Variants in CCDC136 observed in about 807,000 individuals in gnomAD.
CCDC136 encodes the protein coiled-coil domain-containing protein 136.
Under a neutral mutation model 141.2 loss-of-function variants are expected in CCDC136, and 100 were observed. That is an observed-to-expected ratio of 0.71 (90% CI 0.60 to 0.84). The LOEUF (loss-of-function observed/expected upper bound fraction) is 0.84, where lower values mean the gene tolerates loss of function less well. Among genes scored for constraint, CCDC136 ranks in the 40% least tolerant of loss-of-function variants. CCDC136 has a pLI of 0.00. For missense variants in CCDC136, 1,206 were observed against 1,379.4 expected (o/e 0.87, Z 1.99); for synonymous variants, 474 against 531.9 (o/e 0.89, Z 1.50).
At chr7:128,816,948 A>G (rs980920393) in intron 16 of CCDC136, among the ~76,000 whole-genome samples, 1 of 152,158 alleles carries the variant, frequency 6.6e-6, no homozygotes, top group Non-Finnish European at 1.5e-5. Context: ...GGGGACCATT[A>G]CCTAAGATGT....
Position 128,806,791 on chromosome 7 carries a change from A to G in CCDC136, c.1352A>G (p.Gln451Arg), listed in dbSNP as rs749754390. ...ERQQQLQEEL[Q>R]CHEAELQHLR... Reference sequence around the variant, plus strand: ...CAGCAGCAGCTGCAGGAGGAGCTGCAGTGCCATGAGGCAGAGCTGCAGCAC... The same window carrying G: ...CAGCAGCAGCTGCAGGAGGAGCTGCGGTGCCATGAGGCAGAGCTGCAGCAC... Residue 451 changes from glutamine (Q) to arginine (R), a missense_variant, in exon 9 of 18, where the codon CAG (glutamine) becomes CGG (arginine). By Grantham distance (43) the Gln-to-Arg change is conservative (BLOSUM62 1). Coordinates refer to ENST00000297788, the MANE Select transcript of CCDC136 (RefSeq NM_022742.5). The G allele has an allele frequency of 6.2e-7, 1 of 1,612,480 alleles. No homozygotes were observed. The highest frequency in any genetic ancestry group is 2.2e-5 in the East Asian group (1 of 44,888).
In CCDC136 at chr7:128,806,397, T is replaced by G. The variant is rs1804842251; in HGVS notation, c.1248+2T>G. ...CTTGTAGAAAACCAGAGTGAGAAGGTAACAGCAACCAGAGGTGAGGGGACA... is the reference window on the plus strand; with the variant it reads ...CTTGTAGAAAACCAGAGTGAGAAGGGAACAGCAACCAGAGGTGAGGGGACA... On this transcript the variant is annotated splice_donor_variant, in intron 8 of 17. Transcript: ENST00000297788. LOFTEE classifies it high-confidence loss of function. 6.3e-7 allele frequency: 1 copy of G among 1,598,020 alleles called. No individual in the cohort carries two copies. Among genetic ancestry groups the G allele is most frequent in the Non-Finnish European group, 8.5e-7 (1 of 1,170,024 alleles).
rs546297760 is a variant in CCDC136 at position 128,807,719 on chromosome 7, G to A, written c.1605+174G>A. The A allele has an allele frequency of 4.7e-5, 20 of 429,646 alleles. No homozygotes were observed. The South Asian group carries it at 7.5e-4, about 16-fold the overall frequency. 26.6% of individuals were successfully genotyped at this position (429,646 alleles called of 1,614,324 possible). On this transcript the variant is annotated intron_variant, in intron 10 of 17. Coordinates refer to ENST00000297788, the MANE Select transcript of CCDC136 (RefSeq NM_022742.5). Reference sequence around the variant, plus strand: ...AATTGTTTGCCCTGACCTTGACTTTGAGCCAGAGCCACAGCTTAGTAGGAT... The same window carrying A: ...AATTGTTTGCCCTGACCTTGACTTTAAGCCAGAGCCACAGCTTAGTAGGAT...
At position 128,794,341 on chromosome 7, in the gene CCDC136, C is replaced by G. The variant is rs770367591; in HGVS notation, c.17-7C>G. On this transcript the variant is annotated splice_region_variant and splice_polypyrimidine_tract_variant and intron_variant, in intron 1 of 17. Coordinates refer to ENST00000297788, the MANE Select transcript of CCDC136 (RefSeq NM_022742.5). The surrounding 1 kb of genome is among the most constrained non-coding windows in gnomAD (Gnocchi z 4.3). ...TGACTCCTTGGTGGGATGGCTGTGT[C>G]TCCTAGGGGAGGTGTTACTCCCAGC... 28 of 1,552,062 alleles carry G rather than the reference C, an allele frequency of 1.8e-5. No homozygotes were observed. Among genetic ancestry groups the G allele is most frequent in the Non-Finnish European group, 2.3e-5 (26 of 1,147,134 alleles).
chr7:128,813,333 G>A (rs754952605), intron 14 of CCDC136, among the ~76,000 whole-genome samples: 4 of 152,134 alleles, frequency 2.6e-5, no homozygotes, highest in Non-Finnish European at 4.4e-5. Context: ...CTTTTGGATC[G>A]CTCACAATGC....
upstream of CCDC136, chr7:128,791,304 G>A (rs1039820793): frequency 8.6e-6 from 3 of 347,334 alleles, no homozygotes; most frequent in Admixed American, 4.8e-5. The surrounding 1 kb of genome is among the most constrained non-coding windows in gnomAD (Gnocchi z 7.1). Context: ...CCCCCTGCAC[G>A]GGCTCGGAGC....
chr7:128,821,955 C>T lies in CCDC136; in HGVS notation c.*162C>T. ...GAGGGCAGATCCCCAGTGGCCACCA[C>T]CCTCAGCTTTGGGCAGGACACACTG... On this transcript the variant is annotated 3_prime_UTR_variant, in exon 18 of 18. Coordinates refer to ENST00000297788, the MANE Select transcript of CCDC136 (RefSeq NM_022742.5). The surrounding 1 kb of genome is among the most constrained non-coding windows in gnomAD (Gnocchi z 5.1). 7.8e-7 allele frequency: 1 copy of T among 1,289,128 alleles called. No individual in the cohort carries two copies. The highest frequency in any genetic ancestry group is 1.0e-6 in the Non-Finnish European group (1 of 988,638). 79.9% of individuals were successfully genotyped at this position (1,289,128 alleles called of 1,614,324 possible).
intron 3 of CCDC136, among the ~76,000 whole-genome samples, chr7:128,800,225 G>C (rs1803798245): frequency 6.6e-6 from 1 of 152,086 alleles, no homozygotes; most frequent in Admixed American, 6.5e-5. Context: ...TTTCACCATA[G>C]ATCTGATACT....
intron 1 of CCDC136, among the ~76,000 whole-genome samples, chr7:128,792,777 T>C (rs143627438): frequency 1.5e-3 from 236 of 152,352 alleles, no homozygotes; most frequent in African/African-American, 5.5e-3. Context: ...CTGTCTCTTA[T>C]TTTAAAAAGC....
At chr7:128,815,142 A>G (rs1350033386) in intron 15 of CCDC136, among the ~76,000 whole-genome samples, 1 of 152,222 alleles carries the variant, frequency 6.6e-6, no homozygotes, top group African/African-American at 2.4e-5. Context: ...CGGGAGGTGC[A>G]GCCCCAAAGG....
At chr7:128,820,629 C>T (rs556431038) in intron 17 of CCDC136, among the ~76,000 whole-genome samples, 16 of 152,202 alleles carry the variant, frequency 1.1e-4, no homozygotes, top group Non-Finnish European at 2.2e-4. Flanking sequence ...GACAGGGTCT[C>T]GCTCTGTCAC....
Position 128,817,553 on chromosome 7 carries a change from T to C in CCDC136, c.3364-205T>C, listed in dbSNP as rs1806821842. On this transcript the variant is annotated intron_variant, in intron 16 of 17. Transcript: ENST00000297788. The surrounding 1 kb of genome is among the most constrained non-coding windows in gnomAD (Gnocchi z 4.6). ...CTGCTTAACCCATTCAATTTTGCAA[T>C]TCCTGCAGACTGCCGGTGGAAAGAA... Among the ~76,000 whole-genome samples the C allele has an allele frequency of 6.6e-6, 1 of 152,132 alleles. No homozygotes were observed. Among genetic ancestry groups the C allele is most frequent in the Non-Finnish European group, 1.5e-5 (1 of 68,012 alleles).
intron 5 of CCDC136, 39 bp downstream of exon 5, chr7:128,804,800 C>T: frequency 7.6e-7 from 1 of 1,321,318 alleles, no homozygotes; most frequent in Non-Finnish European, 1.1e-6. Flanking sequence ...CATGGGGTTC[C>T]ACAGGACTCT....
intron 15 of CCDC136, 111 bp from the exon 16 acceptor site, chr7:128,815,503 G>T: frequency 1.6e-6 from 2 of 1,244,418 alleles, no homozygotes; most frequent in Non-Finnish European, 2.2e-6. Context: ...CCACACCCTT[G>T]CACTCTGACA....
intron 10 of CCDC136, 27 bp from the exon 11 acceptor site, chr7:128,809,423 C>T: frequency 7.0e-7 from 1 of 1,435,128 alleles, no homozygotes; most frequent in Non-Finnish European, 9.5e-7. Context: ...GAGTAACCAC[C>T]CCCTCCACAC....
At position 128,807,506 on chromosome 7, in the gene CCDC136, C is replaced by A; in HGVS notation, c.1566C>A (p.Ser522=). 6.6e-7 allele frequency: 1 copy of A among 1,506,954 alleles called. No individual in the cohort carries two copies. Among genetic ancestry groups the A allele is most frequent in the Non-Finnish European group, 8.9e-7 (1 of 1,123,746 alleles). 93.3% of individuals were successfully genotyped at this position (1,506,954 alleles called of 1,614,324 possible). A position where few individuals can be genotyped will look rare whatever the true frequency, so the allele number is the denominator to read the frequency against. The stretch of plus-strand genomic sequence containing the variant: ...TGGAGCTGAAAGAGCTCAAGGCCTC[C>A]CACCCCATTCCGGAGGACAAAGGAA... ...CQLELKELKA[S]HPIPEDKGKC... The change falls in exon 10 of 18, where the codon TCC becomes TCA. Residue 522 remains serine (S), a synonymous_variant. Coordinates refer to ENST00000297788, the MANE Select transcript of CCDC136 (RefSeq NM_022742.5).
intron 4 of CCDC136, among the ~76,000 whole-genome samples, chr7:128,804,174 G>C (rs538773987): frequency 3.3e-5 from 5 of 152,198 alleles, no homozygotes; most frequent in Non-Finnish European, 7.4e-5. Flanking sequence ...AACATAAAAG[G>C]AAACTCAGAA....
chr7:128,820,327 C>T (rs116602357), intron 17 of CCDC136, among the ~76,000 whole-genome samples: 3 of 152,326 alleles, frequency 2.0e-5, no homozygotes, highest in South Asian at 2.1e-4. Flanking sequence ...AACAACTCAA[C>T]GTCCAAAAAC....
Position 128,794,688 on chromosome 7 carries a change from C to A in CCDC136, c.272-6C>A. The A allele has an allele frequency of 6.4e-7, 1 of 1,551,146 alleles. No individual in the cohort carries two copies. The highest frequency in any genetic ancestry group is 1.2e-5 in the South Asian group (1 of 83,974). On this transcript the variant is annotated splice_region_variant and splice_polypyrimidine_tract_variant and intron_variant, in intron 2 of 17. Coordinates refer to ENST00000297788, the MANE Select transcript of CCDC136 (RefSeq NM_022742.5). This position sits in a 1 kb window ranked among gnomAD's most constrained non-coding sequence, Gnocchi z 4.3. ...GAGCTTGACACTGGTGCCCCTCTCC[C>A]TGCAGGGCTCCTGGAGGATGAACGG...
Sources: gnomAD v4.1 joint callset for allele counts (sites outside exome capture counted in the v4.1 genomes callset) on GRCh38, gnomAD v4.1.1 for gene constraint, Gnocchi (gnomAD v3.1) non-coding constraint, MANE v1.5 for transcripts, NCBI Gene and HGNC (gene_info 2026-07-23, HGNC 2026-07-21) for gene names.